CACNA1A: variants seen among roughly 807,000 people sequenced by gnomAD.
CACNA1A encodes the protein voltage-dependent P/Q-type calcium channel subunit alpha-1A.
CACNA1A carries 57 observed loss-of-function variants against 262.4 expected under a neutral mutation model. That is an observed-to-expected ratio of 0.22 (90% CI 0.18 to 0.27). CACNA1A has a LOEUF of 0.27. CACNA1A is among the 10% of genes least tolerant of loss of function. The pLI, the probability that CACNA1A is intolerant of heterozygous loss-of-function variation, is 1.00. For synonymous variants in CACNA1A, 1,431 were observed against 1,419.3 expected, an observed-to-expected ratio of 1.01 and a Z score of -0.18; for missense variants, 2,526 against 3,562.8, an observed-to-expected ratio of 0.71 and a Z score of 7.41.
At chr19:13,262,509 C>T (rs2056757722) in intron 25 of CACNA1A, 2 of 515,106 alleles carry the variant, frequency 3.9e-6, no homozygotes, top group Non-Finnish European at 7.0e-6. Flanking sequence ...CCCCAAGACA[C>T]TTCATCTAAA....
At chr19:13,339,503 A>G (rs2058639374) in intron 6 of CACNA1A, among the ~76,000 whole-genome samples, 1 of 152,280 alleles carries the variant, frequency 6.6e-6, no homozygotes, top group South Asian at 2.1e-4. Context: ...ACGAAACTGT[A>G]TCCTTAAAAA....
In CACNA1A at chr19:13,308,686, T is replaced by C; in HGVS notation, c.1669-158A>G. On this transcript the variant is annotated intron_variant, in intron 12 of 46. Coordinates refer to ENST00000360228, the MANE Select transcript of CACNA1A (RefSeq NM_001127222.2). The surrounding 1 kb of genome is among the most constrained non-coding windows in gnomAD (Gnocchi z 4.2). ...TTGACCCCCTCATTCATCCATTCAT[T>C]TATCTATAGAGACCGGGTCTCACTG... 5.3e-6 allele frequency: 3 copies of C among 571,384 alleles called. No individual in the cohort carries two copies. Among genetic ancestry groups the C allele is most frequent in the Non-Finnish European group, 9.3e-6 (3 of 322,104 alleles). 35.4% of individuals were successfully genotyped at this position (571,384 alleles called of 1,614,324 possible).
intron 3 of CACNA1A, among the ~76,000 whole-genome samples, chr19:13,378,709 C>G (rs560912364): frequency 6.6e-6 from 1 of 151,946 alleles, no homozygotes; most frequent in Non-Finnish European, 1.5e-5. Context: ...GTCACCCAGG[C>G]TGGAGTGCAG....
At chr19:13,255,741 CTCCCTCCCTCCTTCCCTCCCTCCT>C (rs1255942176) in intron 28 of CACNA1A, among the ~76,000 whole-genome samples, 1 of 87,324 alleles carries the variant, frequency 1.1e-5, no homozygotes, top group Admixed American at 1.1e-4. Context: ...CCCTCCTTCC[CTCCCTCCCTCCTTCCCTCCCTCCT>C]TCCCTCCCTC....
intron 3 of CACNA1A, among the ~76,000 whole-genome samples, chr19:13,401,869 G>A (rs1446303385): frequency 6.6e-6 from 1 of 152,226 alleles, no homozygotes; most frequent in East Asian, 1.9e-4. Flanking sequence ...TAGAGATGGT[G>A]TCTCACTGTG....
At chr19:13,279,878 G>A (rs1403120296) in intron 22 of CACNA1A, among the ~76,000 whole-genome samples, 1 of 152,006 alleles carries the variant, frequency 6.6e-6, no homozygotes, top group African/African-American at 2.4e-5. Flanking sequence ...ACGCCATCTT[G>A]GCTCACTGCA....
chr19:13,435,165 G>A (rs560748389), intron 3 of CACNA1A, among the ~76,000 whole-genome samples: 121 of 151,926 alleles, frequency 8.0e-4, no homozygotes, highest in African/African-American at 2.9e-3. Flanking sequence ...CCAGGCTGGA[G>A]TGCAGTGGCG....
intron 31 of CACNA1A, among the ~76,000 whole-genome samples, chr19:13,239,922 G>A (rs991060228): frequency 2.6e-5 from 4 of 151,916 alleles, no homozygotes; most frequent in Admixed American, 1.3e-4. Flanking sequence ...AGGCTGAGGC[G>A]GGTGCATCAC....
In CACNA1A at chr19:13,359,936, A is replaced by G. The variant is rs529365518; in HGVS notation, c.785-137T>C. 9 of 459,534 alleles carry G rather than the reference A, an allele frequency of 2.0e-5. No individual in the cohort carries two copies. In the South Asian group the frequency reaches 3.3e-4, roughly 17 times the overall value. 28.5% of individuals were successfully genotyped at this position (459,534 alleles called of 1,614,324 possible). A position where few individuals can be genotyped will look rare whatever the true frequency, so the allele number is the denominator to read the frequency against. On this transcript the variant is annotated intron_variant, in intron 5 of 46. Coordinates refer to ENST00000360228, the MANE Select transcript of CACNA1A (RefSeq NM_001127222.2). ...ACGTGATCAGTCTTCAAAGAGATCA[A>G]TGTTTGGCTTTGGGGGTCTATTATT...
At chr19:13,474,133 T>C (rs1599335677) in intron 1 of CACNA1A, among the ~76,000 whole-genome samples, 1 of 152,226 alleles carries the variant, frequency 6.6e-6, no homozygotes, top group Non-Finnish European at 1.5e-5. Context: ...CTGGCAGCAG[T>C]CCCAGGAGCT....
intron 10 of CACNA1A, among the ~76,000 whole-genome samples, chr19:13,321,979 A>G (rs56356720): frequency 0.2 from 30,440 of 152,098 alleles, 3,766 homozygotes; most frequent in East Asian, 0.37. Flanking sequence ...CGAGATGGGC[A>G]GATCGTAAGG....
chr19:13,440,954 C>T (rs1220058535), intron 3 of CACNA1A, among the ~76,000 whole-genome samples: 1 of 152,178 alleles, frequency 6.6e-6, no homozygotes, highest in Non-Finnish European at 1.5e-5. Flanking sequence ...TACAGGCACA[C>T]ACTATCACAC....
intron 17 of CACNA1A, among the ~76,000 whole-genome samples, chr19:13,301,138 T>G (rs1259146224): frequency 6.8e-6 from 1 of 147,228 alleles, no homozygotes; most frequent in East Asian, 2.0e-4. Flanking sequence ...TTTTTTTTTG[T>G]AGAGACAGGG....
At chr19:13,286,457 G>T in intron 20 of CACNA1A, 46 bp downstream of exon 20, 1 of 954,050 alleles carries the variant, frequency 1.0e-6, no homozygotes, top group Non-Finnish European at 1.5e-6. Flanking sequence ...CTGGCTCCAG[G>T]GACGCCAGGT....
chr19:13,405,715 G>C (rs907238670), intron 3 of CACNA1A, among the ~76,000 whole-genome samples: 1 of 152,170 alleles, frequency 6.6e-6, no homozygotes, highest in Non-Finnish European at 1.5e-5. Flanking sequence ...AAGTCACACA[G>C]CTTGCAAGAA....
intron 17 of CACNA1A, among the ~76,000 whole-genome samples, chr19:13,302,185 C>T (rs1012878108): frequency 1.6e-4 from 24 of 152,240 alleles, no homozygotes; most frequent in South Asian, 4.2e-4. Flanking sequence ...CCTCTCTGTG[C>T]GACACACATC....
At chr19:13,317,456 A>T (rs371876526) in intron 10 of CACNA1A, 135 bp from the exon 11 acceptor site, 28 of 662,724 alleles carry the variant, frequency 4.2e-5, no homozygotes, top group African/African-American at 3.6e-4. Context: ...TGAGGGAACC[A>T]TCATGACCCA....
At chr19:13,500,072 T>C (rs1262512978) in intron 1 of CACNA1A, among the ~76,000 whole-genome samples, 1 of 152,174 alleles carries the variant, frequency 6.6e-6, no homozygotes. Flanking sequence ...ACTCAAGCAC[T>C]AACATTTCAG....
chr19:13,346,644 ATATATATATATATATATATATATTTTTTT>A (rs1284619728), intron 6 of CACNA1A, among the ~76,000 whole-genome samples: 175 of 7,218 alleles, frequency 0.024, 7 homozygotes, highest in East Asian at 0.072. Context: ...ATATATATAT[ATATATATATATATATATATATATTTTTTT>A]TTTTTTTTTT....
Sources: gnomAD v4.1 joint callset for allele counts (sites outside exome capture counted in the v4.1 genomes callset) on GRCh38, gnomAD v4.1.1 for gene constraint, Gnocchi (gnomAD v3.1) non-coding constraint, MANE v1.5 for transcripts, NCBI Gene and HGNC (gene_info 2026-07-23, HGNC 2026-07-21) for gene names.